Variants in NMD3 observed in about 807,000 individuals in gnomAD.
NMD3 encodes the protein 60S ribosomal export protein NMD3.
A neutral mutation model predicts 73.1 loss-of-function variants in NMD3; 47 were observed. The ratio of observed to expected loss-of-function variants is 0.64; its 90% CI spans 0.51 to 0.82. The LOEUF is 0.82. Among genes scored for constraint, NMD3 ranks in the 40% least tolerant of loss-of-function variants. The pLI is 0.00. For missense variants in NMD3, 554 were observed against 612.5 expected (o/e 0.90, Z 1.01); for synonymous variants, 210 against 194.5 (o/e 1.08, Z -0.66).
intron 13 of NMD3, among the ~76,000 whole-genome samples, chr3:161,248,489 C>T (rs1469924506): frequency 6.6e-6 from 1 of 151,890 alleles, no homozygotes; most frequent in Non-Finnish European, 1.5e-5. Flanking sequence ...GATTCCGTCT[C>T]CAAAAGATAA....
At chr3:161,252,509 T>C (rs774120282), downstream of NMD3, among the ~76,000 whole-genome samples, 2 of 152,192 alleles carry the variant, frequency 1.3e-5, no homozygotes, top group Non-Finnish European at 2.9e-5. Flanking sequence ...GTTGAAAGGC[T>C]GTGACAGGCA....
At chr3:161,222,140 G>A (rs1736124804) in intron 2 of NMD3, 83 bp downstream of exon 2, 1 of 1,105,660 alleles carries the variant, frequency 9.0e-7, no homozygotes, top group Admixed American at 1.8e-5. Context: ...AACGCTTGAG[G>A]GTGGGTGGGA....
At chr3:161,236,769 T>C (rs1289170060) in intron 7 of NMD3, among the ~76,000 whole-genome samples, 1 of 152,170 alleles carries the variant, frequency 6.6e-6, no homozygotes, top group African/African-American at 2.4e-5. Context: ...TCTAAATTCA[T>C]ATTTTTCTAT....
At position 161,222,691 on chromosome 3, in the gene NMD3, C is replaced by A. The variant is rs942392175; in HGVS notation, c.44+634C>A. Among the ~76,000 whole-genome samples, 76 of 152,156 alleles carry A rather than the reference C, an allele frequency of 5.0e-4. 4 individuals carry two copies. The highest frequency in any genetic ancestry group is 1.4e-4 in the African/African-American group (6 of 41,504). ...TAATCCTGGAATCGTTCAGCACAGA[C>A]CAATTAGCTAAATCTAAAATAAATT... is the stretch of plus-strand genomic sequence containing the variant. On this transcript the variant is annotated intron_variant, in intron 2 of 15. Coordinates refer to ENST00000351193, the MANE Select transcript of NMD3 (RefSeq NM_015938.5).
chr3:161,240,667 G>A (rs1736936756), intron 9 of NMD3, among the ~76,000 whole-genome samples: 1 of 150,860 alleles, frequency 6.6e-6, no homozygotes, highest in African/African-American at 2.4e-5. Flanking sequence ...TAGGCCCACA[G>A]GCATGCACCA....
At chr3:161,247,464 T>A in intron 13 of NMD3, 134 bp downstream of exon 13, 1 of 512,146 alleles carries the variant, frequency 2.0e-6, no homozygotes. Context: ...AGATAAGGTA[T>A]AATAGCAAAA....
Position 161,242,514 on chromosome 3 carries a change from A to C in NMD3, c.878A>C (p.Asp293Ala), listed in dbSNP as rs1406492515. 3 of 1,612,368 alleles carry C rather than the reference A, an allele frequency of 1.9e-6. No individual in the cohort carries two copies. Among genetic ancestry groups the C allele is most frequent in the Non-Finnish European group, 2.5e-6 (3 of 1,178,870 alleles). Reference sequence around the variant, plus strand: ...GTTCTATCCTTATTTTTAGTGGCAGATATTGATGGGAGCACTTTCTGGAGT... The same window carrying C: ...GTTCTATCCTTATTTTTAGTGGCAGCTATTGATGGGAGCACTTTCTGGAGT... Reference protein sequence around the residue: ...LIDPNTLQVADIDGSTFWSHP... With the variant: ...LIDPNTLQVAAIDGSTFWSHP... Residue 293 changes from aspartate (D) to alanine (A), a missense_variant, in exon 11 of 16, where the codon GAT (aspartate) becomes GCT (alanine). By Grantham distance (126) the Asp-to-Ala change is moderately radical. Transcript: ENST00000351193.
At chr3:161,222,355 T>A (rs1736138370) in intron 2 of NMD3, among the ~76,000 whole-genome samples, 1 of 151,976 alleles carries the variant, frequency 6.6e-6, no homozygotes. Context: ...TTACTTACTT[T>A]TTTTTTTTGA....
At chr3:161,244,618 C>T (rs1408632211) in intron 11 of NMD3, among the ~76,000 whole-genome samples, 1 of 146,078 alleles carries the variant, frequency 6.8e-6, no homozygotes, top group Non-Finnish European at 1.5e-5. Flanking sequence ...CTTCTCTCCT[C>T]CTCTCCCTTC....
chr3:161,227,026 T>G (rs1384559170), intron 3 of NMD3, among the ~76,000 whole-genome samples: 1 of 152,198 alleles, frequency 6.6e-6, no homozygotes, highest in Non-Finnish European at 1.5e-5. Flanking sequence ...GTAGGTTATT[T>G]CAGATTGACT....
At chr3:161,242,767 G>T in intron 11 of NMD3, 114 bp downstream of exon 11, 1 of 856,554 alleles carries the variant, frequency 1.2e-6, no homozygotes. Context: ...TCCAAACTTA[G>T]CACCACATTA....
At chr3:161,221,956 CTCTTTTTTTT>C in intron 1 of NMD3, 28 bp from the exon 2 acceptor site, 2 of 1,029,924 alleles carry the variant, frequency 1.9e-6, no homozygotes, top group Non-Finnish European at 1.4e-6. Flanking sequence ...TCCCAACATT[CTCTTTTTTTT>C]TTTTTTTTTT....
In NMD3 at chr3:161,221,983, TTTTTTA is replaced by T. The variant is rs1465709920; in HGVS notation, c.-20-10_-20-5del. ...CTTTTTTTTTTTTTTTTTTTTTTTT[TTTTTTA>T]AAAGAACTTAAGGCATACAGAACGA... On this transcript the variant is annotated splice_region_variant and splice_polypyrimidine_tract_variant and intron_variant, in intron 1 of 15. Coordinates refer to ENST00000351193, the MANE Select transcript of NMD3 (RefSeq NM_015938.5). 3.1e-5 allele frequency: 40 copies of T among 1,282,482 alleles called. No homozygotes were observed. The African/African-American group carries it at 7.0e-4, about 23-fold the overall frequency. 79.4% of individuals were successfully genotyped at this position (1,282,482 alleles called of 1,614,324 possible).
chr3:161,224,475 G>A (rs965123892), intron 2 of NMD3, among the ~76,000 whole-genome samples: 2 of 152,058 alleles, frequency 1.3e-5, no homozygotes, highest in Non-Finnish European at 2.9e-5. Context: ...CATCTTTGAA[G>A]ATTGCTTTGT....
Position 161,249,530 on chromosome 3 carries a change from A to G in NMD3, c.1280A>G (p.Glu427Gly). The change falls in exon 14 of 16, where the codon GAG becomes GGG. Residue 427 changes from glutamate (E) to glycine (G), a missense_variant. Physicochemically the swap from Glu to Gly is moderately conservative, Grantham distance 98. Transcript: ENST00000351193. Reference protein sequence around the residue: ...RNWKLKELARERENMDTDDER... With the variant: ...RNWKLKELARGRENMDTDDER... ...TGGAAATTGAAAGAGCTTGCAAGAG[A>G]GAGAGAAAACATGGATACAGATGAT... 6.2e-7 allele frequency: 1 copy of G among 1,612,078 alleles called. No homozygotes were observed. The highest frequency in any genetic ancestry group is 8.5e-7 in the Non-Finnish European group (1 of 1,178,410).
At chr3:161,247,828 C>A (rs985289173) in intron 13 of NMD3, among the ~76,000 whole-genome samples, 2 of 151,408 alleles carry the variant, frequency 1.3e-5, no homozygotes, top group East Asian at 3.9e-4. Context: ...GCTTTATTGA[C>A]CAGGCTTGCG....
intron 2 of NMD3, among the ~76,000 whole-genome samples, chr3:161,222,305 A>G (rs1247749109): frequency 6.6e-6 from 1 of 152,078 alleles, no homozygotes; most frequent in African/African-American, 2.4e-5. Flanking sequence ...ACTGTCCAAT[A>G]TGTAGCCATT....
chr3:161,241,558 T>A (rs2108093769), intron 10 of NMD3, among the ~76,000 whole-genome samples: 1 of 151,986 alleles, frequency 6.6e-6, no homozygotes, highest in South Asian at 2.1e-4. Context: ...GTAGCTGGGA[T>A]TACAGGTGCC....
At chr3:161,223,973 A>G (rs1736208013) in intron 2 of NMD3, among the ~76,000 whole-genome samples, 1 of 152,206 alleles carries the variant, frequency 6.6e-6, no homozygotes, top group South Asian at 2.1e-4. Context: ...CTGCATAGAA[A>G]ATGTTTGGAA....
Sources: gnomAD v4.1 joint callset for allele counts (sites outside exome capture counted in the v4.1 genomes callset) on GRCh38, gnomAD v4.1.1 for gene constraint, MANE v1.5 for transcripts, NCBI Gene and HGNC (gene_info 2026-07-23, HGNC 2026-07-21) for gene names.